Variants in TTN observed in about 807,000 individuals in gnomAD.
The protein encoded by TTN is connectin.
In TTN, 1,525 loss-of-function variants were observed where a neutral mutation model predicts 3,223.0. That is an observed-to-expected ratio of 0.47 (90% CI 0.45 to 0.49). The LOEUF is 0.49. Ranked by LOEUF, TTN falls within the 20% of genes least tolerant of loss-of-function variation. TTN has a pLI of 0.00. For synonymous variants in TTN, 14,094 were observed against 15,161.0 expected, an observed-to-expected ratio of 0.93 and a Z score of 5.17; for missense variants, 40,786 against 43,424.0, an observed-to-expected ratio of 0.94 and a Z score of 5.40.
At position 178,557,236 on chromosome 2, in the gene TTN, C is replaced by G; in HGVS notation, c.88009+17G>C. The stretch of plus-strand genomic sequence containing the variant: ...ATTTTTGTTATCAGAACTGCCCTTC[C>G]CATGACAAATACGTACCACAAGCAT... On this transcript the variant is annotated intron_variant, in intron 329 of 362. Coordinates refer to ENST00000589042, the MANE Select transcript of TTN (RefSeq NM_001267550.2). 6.2e-7 allele frequency: 1 copy of G among 1,613,676 alleles called. No homozygotes were observed. The highest frequency in any genetic ancestry group is 8.5e-7 in the Non-Finnish European group (1 of 1,179,800).
In TTN at chr2:178,614,030, A is replaced by G. The variant is rs367774071; in HGVS notation, c.49345+22T>C. ...TTGACATAAGCATCCTTTTTTTTTT[A>G]TCAGCTGATTGAGAAACTTACCAAA... On this transcript the variant is annotated intron_variant, in intron 262 of 362. Transcript: ENST00000589042. 220 of 1,593,672 alleles carry G rather than the reference A, an allele frequency of 1.4e-4. 2 individuals carry two copies. The African/African-American group carries it at 2.5e-3, about 18-fold the overall frequency.
At position 178,563,519 on chromosome 2, in the gene TTN, T is replaced by A. The variant is rs878933739; in HGVS notation, c.82613A>T (p.His27538Leu). The change falls in exon 326 of 363, where the codon CAT (histidine) becomes CTT (leucine). Residue 27538 changes from histidine to leucine, a missense_variant. By Grantham distance (99) the His-to-Leu change is moderately conservative (BLOSUM62 -3). Transcript: ENST00000589042. The surrounding 1 kb of genome is among the most constrained non-coding windows in gnomAD (Gnocchi z 4.5). ...AGCAGCAACTCTGAATTCATAGGAATGGCCTTCGGTAAGACCAGTTACCCT... is the reference window on the plus strand; with the variant it reads ...AGCAGCAACTCTGAATTCATAGGAAAGGCCTTCGGTAAGACCAGTTACCCT... ...RLRVTGLTEG[H>L]SYEFRVAAEN... 3 of 1,613,690 alleles carry A rather than the reference T, an allele frequency of 1.9e-6. No individual in the cohort carries two copies. In the African/African-American group the frequency reaches 4.0e-5, roughly 22 times the overall value.
chr2:178,550,339 T>C (rs764033848), intron 336 of TTN, 66 bp from the exon 337 acceptor site: 3 of 1,344,060 alleles, frequency 2.2e-6, no homozygotes, highest in Non-Finnish European at 3.0e-6. Context: ...AATATATATT[T>C]TTCAGTAGTG....
Position 178,560,851 on chromosome 2 carries a change from T to C in TTN, c.85281A>G (p.Gln28427=). The C allele has an allele frequency of 3.1e-6, 5 of 1,613,714 alleles. No homozygotes were observed. Among genetic ancestry groups the C allele is most frequent in the Non-Finnish European group, 4.2e-6 (5 of 1,179,800 alleles). Residue 28427 remains glutamine, a synonymous_variant, in exon 326 of 363, where the codon CAA becomes CAG. Transcript: ENST00000589042. ...CAACATTCTTCAGTGTTAGTACATA[T>C]TGCCCAGTGTCTCGTCTTATACAGT... ...VKDCIRRDTG[Q]YVLTLKNVAG...
rs201825412 is a variant in TTN, at chr2:178,609,528, C to T, written c.51782G>A (p.Arg17261Gln). 486 of 1,612,060 alleles carry T rather than the reference C, an allele frequency of 3.0e-4. No homozygotes were observed. Among genetic ancestry groups the T allele is most frequent in the Non-Finnish European group, 4.0e-4 (471 of 1,178,884 alleles). ...TGCATCAAGTGCTATTTCATCACCT[C>T]GTTTCACTTCTAGGCTTGTTCTCAG... The part of the protein sequence containing the change: ...VILRTSLEVK[R>Q]GDEIALDASI... Residue 17261 changes from arginine (R) to glutamine (Q), a missense_variant, in exon 273 of 363, where the codon CGA (arginine) becomes CAA (glutamine). By Grantham distance (43) the Arg-to-Gln change is conservative. Transcript: ENST00000589042.
rs1406792331 is a variant in TTN, at chr2:178,789,833, A to G, written c.1938+145T>C. On this transcript the variant is annotated intron_variant, in intron 12 of 362. Coordinates refer to ENST00000589042, the MANE Select transcript of TTN (RefSeq NM_001267550.2). Reference sequence around the variant, plus strand: ...AAATGTGCAGATAAAATTAATGATAATCAGTCTCATATTTACCATTTTGTT... The same window carrying G: ...AAATGTGCAGATAAAATTAATGATAGTCAGTCTCATATTTACCATTTTGTT... The G allele has an allele frequency of 4.1e-6, 4 of 969,928 alleles. No individual in the cohort carries two copies. In the African/African-American group the frequency reaches 4.9e-5, roughly 12 times the overall value. 60.1% of individuals were successfully genotyped at this position (969,928 alleles called of 1,614,324 possible). A position where few individuals can be genotyped will look rare whatever the true frequency, so the allele number is the denominator to read the frequency against.
chr2:178,735,624 T>G lies in TTN; in HGVS notation c.14822A>C (p.Lys4941Thr). The change falls in exon 50 of 363, where the codon AAA becomes ACA. Residue 4941 changes from lysine (K) to threonine (T), a missense_variant. Transcript: ENST00000589042. ...CAAAGGAATCTCAAGTGTTGCTATT[T>G]TATCTTCAAAACAGATCTTATAATC... ...GKDYKICFEDKIATLEIPLAK... is the reference protein window; with the variant it reads ...GKDYKICFEDTIATLEIPLAK... 1.2e-6 allele frequency: 2 copies of G among 1,613,708 alleles called. No individual in the cohort carries two copies. Among genetic ancestry groups the G allele is most frequent in the South Asian group, 2.2e-5 (2 of 91,076 alleles).
In TTN at chr2:178,594,167, CGGCCAGTGAGGG is replaced by C; in HGVS notation, c.58214_58225del (p.Ala19405_Arg19409delinsGly). On this transcript the variant is annotated inframe_deletion, in exon 297 of 363. Coordinates refer to ENST00000589042, the MANE Select transcript of TTN (RefSeq NM_001267550.2). ...CTTAGGCTTTGGTTTGCCTGAGTAA[CGGCCAGTGAGGG>C]CAAAAGCTTCACCAACTCGAATCGT... 3.7e-6 allele frequency: 6 copies of C among 1,613,322 alleles called. No homozygotes were observed. The highest frequency in any genetic ancestry group is 5.1e-6 in the Non-Finnish European group (6 of 1,179,598).
At chr2:178,701,697 G>A in intron 109 of TTN, 110 bp from the exon 110 acceptor site, 4 of 1,081,202 alleles carry the variant, frequency 3.7e-6, no homozygotes, top group Non-Finnish European at 5.5e-6. Flanking sequence ...CATATCTAAT[G>A]GCAGAATCTA....
intron 361 of TTN, 183 bp downstream of exon 361, chr2:178,528,091 A>G: frequency 4.4e-6 from 3 of 679,058 alleles, no homozygotes; most frequent in Non-Finnish European, 7.1e-6. Flanking sequence ...AATGTAATCT[A>G]TCCAAGTTTC....
intron 121 of TTN, among the ~76,000 whole-genome samples, chr2:178,690,452 A>G (rs1481896791): frequency 2.0e-5 from 3 of 152,140 alleles, no homozygotes; most frequent in African/African-American, 7.2e-5. Context: ...CCCATGTGTT[A>G]ATGACTTTAC....
Position 178,727,749 on chromosome 2 carries a change from T to C in TTN, c.19829A>G (p.Asp6610Gly). The change falls in exon 68 of 363, where the codon GAT becomes GGT. Residue 6610 changes from aspartate to glycine, a missense_variant. Transcript: ENST00000589042. ...AGGACCTGAGACAAGTTCCACATCA[T>C]CCTTAAACCATTTTATTTTAAATGG... ...TPPFKIKWFKDDVELVSGPKC... is the reference protein window; with the variant it reads ...TPPFKIKWFKGDVELVSGPKC... 6.2e-7 allele frequency: 1 copy of C among 1,613,346 alleles called. No individual in the cohort carries two copies. The highest frequency in any genetic ancestry group is 8.5e-7 in the Non-Finnish European group (1 of 1,179,454).
chr2:178,577,744 A>C lies in TTN; in HGVS notation c.68682T>G (p.Val22894=), dbSNP rs1304622611. ...PSKSWMKANH[V]NVPECAFTVT... Reference sequence around the variant, plus strand: ...CAGTAAAGGCACATTCTGGGACATTAACATGGTTGGCTTTCATCCAAGACT... The same window carrying C: ...CAGTAAAGGCACATTCTGGGACATTCACATGGTTGGCTTTCATCCAAGACT... Residue 22894 remains valine (V), a synonymous_variant, in exon 323 of 363, where the codon GTT becomes GTG. Coordinates refer to ENST00000589042, the MANE Select transcript of TTN (RefSeq NM_001267550.2). 2 of 1,613,434 alleles carry C rather than the reference A, an allele frequency of 1.2e-6. No homozygotes were observed. The highest frequency in any genetic ancestry group is 1.7e-6 in the Non-Finnish European group (2 of 1,179,590).
chr2:178,718,392 A>G lies in TTN; in HGVS notation c.24714T>C (p.Tyr8238=). 6.2e-7 allele frequency: 1 copy of G among 1,613,834 alleles called. No homozygotes were observed. The highest frequency in any genetic ancestry group is 8.5e-7 in the Non-Finnish European group (1 of 1,179,758). ...LEILESTIED[Y]AQYSCLIENE... ...TTTCTATCAGGCAGCTGTACTGTGC[A>G]TAATCCTCTATTGTGCTCTCAAGAA... The change falls in exon 85 of 363, where the codon TAT becomes TAC. Residue 8238 remains tyrosine, a synonymous_variant. Coordinates refer to ENST00000589042, the MANE Select transcript of TTN (RefSeq NM_001267550.2).
At position 178,651,635 on chromosome 2, in the gene TTN, T is replaced by G. The variant is rs2062989034; in HGVS notation, c.39463+31A>C. On this transcript the variant is annotated intron_variant, in intron 206 of 362. Coordinates refer to ENST00000589042, the MANE Select transcript of TTN (RefSeq NM_001267550.2). ...AATATGACACTTCAAAGAAAGTTTT[T>G]TGTTAGGGAGTTAGTGGCAGTGAGG... 1.9e-6 allele frequency: 3 copies of G among 1,612,588 alleles called. No individual in the cohort carries two copies. In the East Asian group the frequency reaches 6.7e-5, roughly 36 times the overall value.
In TTN at chr2:178,756,224, C is replaced by A; in HGVS notation, c.11252G>T (p.Gly3751Val). 1 of 1,595,664 alleles carries A rather than the reference C, an allele frequency of 6.3e-7. No homozygotes were observed. The highest frequency in any genetic ancestry group is 8.6e-7 in the Non-Finnish European group (1 of 1,167,142). The change falls in exon 46 of 363, where the codon GGT (glycine) becomes GTT (valine). Residue 3751 changes from glycine (G) to valine (V), a missense_variant and splice_region_variant. Coordinates refer to ENST00000589042, the MANE Select transcript of TTN (RefSeq NM_001267550.2). ...RTTSAVLSVE[G>V]APESILHERI... Reference sequence around the variant, plus strand: ...GTCATAGCTAAAAATCAATTAACCACCTTCTACACTTAGTACTGCTGACGT... The same window carrying A: ...GTCATAGCTAAAAATCAATTAACCAACTTCTACACTTAGTACTGCTGACGT...
At position 178,685,248 on chromosome 2, in the gene TTN, C is replaced by T; in HGVS notation, c.32470+5G>A. On this transcript the variant is annotated splice_donor_5th_base_variant and intron_variant, in intron 129 of 362. Transcript: ENST00000589042. The stretch of plus-strand genomic sequence containing the variant: ...AGTGTTGCATTTCTTTGAAAGAAAT[C>T]ATACCTTTAGCCGGTGGAGGCTCCT... 6.5e-7 allele frequency: 1 copy of T among 1,534,620 alleles called. No homozygotes were observed.
rs1187716269 is a variant in TTN at position 178,526,502 on chromosome 2, T to G, written c.*510A>C. Reference sequence around the variant, plus strand: ...AAAGTGTTGCTTACAGGAGGGTAAATGCAAACATCACCAATGCCTTACATT... The same window carrying G: ...AAAGTGTTGCTTACAGGAGGGTAAAGGCAAACATCACCAATGCCTTACATT... On this transcript the variant is annotated 3_prime_UTR_variant, in exon 363 of 363. Transcript: ENST00000589042. The G allele has an allele frequency of 6.5e-6, 1 of 152,732 alleles. No individual in the cohort carries two copies. The allele number at this position is 152,732 out of a possible 1,614,324, so 9.5% of individuals were successfully genotyped here. A position where few individuals can be genotyped will look rare whatever the true frequency, so the allele number is the denominator to read the frequency against.
intron 43 of TTN, 128 bp downstream of exon 43, chr2:178,764,049 G>A: frequency 7.2e-7 from 1 of 1,391,516 alleles, no homozygotes; most frequent in Non-Finnish European, 1.0e-6. Context: ...TAAGTTTTCT[G>A]TTAGATTTCC....
Sources: gnomAD v4.1 joint callset for allele counts (sites outside exome capture counted in the v4.1 genomes callset) on GRCh38, gnomAD v4.1.1 for gene constraint, Gnocchi (gnomAD v3.1) non-coding constraint, MANE v1.5 for transcripts, NCBI Gene and HGNC (gene_info 2026-07-23, HGNC 2026-07-21) for gene names.